The following KNTC1 variants were observed in gnomAD, a reference collection of about 807,000 sequenced individuals.
KNTC1 encodes kinetochore-associated protein 1.
In KNTC1, 253 loss-of-function variants were observed where a neutral mutation model predicts 314.4. That is an observed-to-expected ratio of 0.80 (90% CI 0.73 to 0.89). The LOEUF (loss-of-function observed/expected upper bound fraction) is 0.89, where lower values mean the gene tolerates loss of function less well. Ranked by LOEUF, KNTC1 falls within the 40% of genes least tolerant of loss-of-function variation. The pLI, the probability that KNTC1 is intolerant of heterozygous loss-of-function variation, is 0.00. For synonymous variants in KNTC1, 901 were observed against 901.4 expected, an observed-to-expected ratio of 1.00 and a Z score of 0.01; for missense variants, 2,475 against 2,572.9, an observed-to-expected ratio of 0.96 and a Z score of 0.82.
intron 18 of KNTC1, among the ~76,000 whole-genome samples, chr12:122,561,603 G>A (rs180900930): frequency 9.2e-4 from 139 of 151,870 alleles, no homozygotes; most frequent in African/African-American, 2.9e-3. Context: ...ACAGGTGTGC[G>A]CAACAGTGCC....
chr12:122,573,027 T>C lies in KNTC1; in HGVS notation c.2110T>C (p.Cys704Arg). 6.2e-7 allele frequency: 1 copy of C among 1,611,896 alleles called. No individual in the cohort carries two copies. The highest frequency in any genetic ancestry group is 8.5e-7 in the Non-Finnish European group (1 of 1,178,802). The change falls in exon 25 of 64, where the codon TGC (cysteine) becomes CGC (arginine). Residue 704 changes from cysteine (C) to arginine (R), a missense_variant. By Grantham distance (180) the Cys-to-Arg change is radical. Coordinates refer to ENST00000333479, the MANE Select transcript of KNTC1 (RefSeq NM_014708.6). The part of the protein sequence containing the change: ...ELITLHRKYN[C>R]KLALSDFEKE... ...GATCACGTTGCATAGGAAGTACAACTGCAAATTAGCCCTCTCTGATTTTGA... is the reference window on the plus strand; with the variant it reads ...GATCACGTTGCATAGGAAGTACAACCGCAAATTAGCCCTCTCTGATTTTGA...
intron 1 of KNTC1, 138 bp from the exon 2 acceptor site, chr12:122,529,853 G>T: frequency 2.4e-6 from 1 of 411,718 alleles, no homozygotes. Context: ...TTCCATTTAT[G>T]TTATTGGCCC....
At chr12:122,598,962 G>A (rs1335752175) in intron 44 of KNTC1, among the ~76,000 whole-genome samples, 2 of 151,000 alleles carry the variant, frequency 1.3e-5, no homozygotes, top group African/African-American at 2.4e-5. Flanking sequence ...GGTGCATGCT[G>A]CCATACCCCA....
intron 2 of KNTC1, among the ~76,000 whole-genome samples, chr12:122,531,744 G>A (rs1367186461): frequency 6.6e-6 from 1 of 151,770 alleles, no homozygotes; most frequent in Non-Finnish European, 1.5e-5. Flanking sequence ...ATTTTTGTTC[G>A]TTTGTTTGAG....
intron 8 of KNTC1, 50 bp from the exon 9 acceptor site, chr12:122,546,126 C>T (rs1380898713): frequency 9.5e-7 from 1 of 1,052,950 alleles, no homozygotes; most frequent in Non-Finnish European, 1.5e-6. Flanking sequence ...GAGGAAGGCT[C>T]AGGTCTAAGA....
chr12:122,594,148 G>C, intron 42 of KNTC1, 128 bp from the exon 43 acceptor site: 1 of 614,114 alleles, frequency 1.6e-6, no homozygotes, highest in Non-Finnish European at 2.9e-6. Flanking sequence ...TGTGAGGTTG[G>C]AGGAGCTATA....
At chr12:122,605,500 T>C in intron 51 of KNTC1, 85 bp downstream of exon 51, 2 of 666,000 alleles carry the variant, frequency 3.0e-6, no homozygotes, top group Non-Finnish European at 5.3e-6. Flanking sequence ...TCCCACATGA[T>C]ACAGCCTTCT....
rs1422740845 is a variant in KNTC1 at position 122,587,791 on chromosome 12, G to A, written c.3811G>A (p.Ala1271Thr). The A allele has an allele frequency of 6.2e-7, 1 of 1,613,760 alleles. No individual in the cohort carries two copies. Among genetic ancestry groups the A allele is most frequent in the South Asian group, 1.1e-5 (1 of 91,058 alleles). Residue 1271 changes from alanine (A) to threonine (T), a missense_variant, in exon 39 of 64, where the codon GCC (alanine) becomes ACC (threonine). Transcript: ENST00000333479. Reference sequence around the variant, plus strand: ...TCAGGAATCTAGCCAGTGGGAGCTAGCCCTAAGATTTGTGGTTGGTTCATT... The same window carrying A: ...TCAGGAATCTAGCCAGTGGGAGCTAACCCTAAGATTTGTGGTTGGTTCATT... Reference protein sequence around the residue: ...NLQESSQWELALRFVVGSFGT... With the variant: ...NLQESSQWELTLRFVVGSFGT...
At chr12:122,570,995 G>T (rs749292598) in intron 23 of KNTC1, 30 bp from the exon 24 acceptor site, 7 of 1,604,786 alleles carry the variant, frequency 4.4e-6, no homozygotes, top group Non-Finnish European at 5.1e-6. Context: ...ATAAAACATT[G>T]TTTTGAACTG....
intron 6 of KNTC1, among the ~76,000 whole-genome samples, chr12:122,542,405 G>A (rs1488411109): frequency 2.6e-5 from 4 of 152,152 alleles, no homozygotes; most frequent in African/African-American, 9.7e-5. Context: ...ACATATGCTA[G>A]CACAATAGTA....
chr12:122,551,249 G>C, intron 13 of KNTC1, 70 bp from the exon 14 acceptor site: 2 of 1,004,008 alleles, frequency 2.0e-6, no homozygotes, highest in Admixed American at 2.1e-5. Context: ...TGAACCAGTA[G>C]TTACTCTAGT....
intron 16 of KNTC1, 75 bp downstream of exon 16, chr12:122,551,771 T>G: frequency 9.7e-7 from 1 of 1,033,110 alleles, no homozygotes; most frequent in Non-Finnish European, 1.5e-6. Context: ...GACAGACATG[T>G]AATATATAAT....
At chr12:122,562,488 T>A (rs1964043365) in intron 19 of KNTC1, 150 bp from the exon 20 acceptor site, 1 of 570,772 alleles carries the variant, frequency 1.8e-6, no homozygotes, top group African/African-American at 1.9e-5. Flanking sequence ...TGTATGTGTG[T>A]GAAATAAAGG....
At chr12:122,611,204 C>A in intron 53 of KNTC1, 1 of 304,496 alleles carries the variant, frequency 3.3e-6, no homozygotes, top group Non-Finnish European at 6.1e-6. Flanking sequence ...AGGAGCCAAA[C>A]AAACTGTCCA....
At chr12:122,585,031 C>T (rs1274792821) in intron 36 of KNTC1, 41 bp downstream of exon 36, 12 of 1,133,092 alleles carry the variant, frequency 1.1e-5, no homozygotes, top group African/African-American at 1.6e-5. Context: ...TCCTGGGCAA[C>T]GCATTATGCA....
rs765991948 is a variant in KNTC1, at chr12:122,568,309, TA to T, written c.1654del (p.Ile552PhefsTer5). ...TAAATAATGAAGATGATCTTAAAGA[TA>T]TTTTTTTACAGCTAAAAGAAGGAAA... The part of the protein sequence containing the change: ...FLNNEDDLKD[I>X]FLQLKEGNLV... On this transcript the variant is annotated frameshift_variant, in exon 21 of 64. Transcript: ENST00000333479. LOFTEE classifies it high-confidence loss of function. 9.4e-6 allele frequency: 15 copies of T among 1,596,132 alleles called. No homozygotes were observed. Among genetic ancestry groups the T allele is most frequent in the East Asian group, 2.2e-5 (1 of 44,774 alleles).
intron 53 of KNTC1, 94 bp downstream of exon 53, chr12:122,610,994 G>T (rs1873058890): frequency 6.9e-6 from 6 of 872,182 alleles, no homozygotes; most frequent in Admixed American, 4.0e-5. Context: ...ATTAACAGAT[G>T]ATTCAGATAA....
intron 48 of KNTC1, among the ~76,000 whole-genome samples, chr12:122,603,533 G>A (rs113527426): frequency 2.2e-4 from 34 of 151,358 alleles, no homozygotes; most frequent in African/African-American, 6.8e-4. Flanking sequence ...TTGCTCTGTC[G>A]CCAGGCTGGA....
intron 57 of KNTC1, chr12:122,617,484 A>G (rs1593690318): frequency 4.7e-6 from 2 of 424,078 alleles, no homozygotes; most frequent in East Asian, 7.7e-5. Context: ...TTGGCCTCCC[A>G]AAGTACTGGG....
Sources: gnomAD v4.1 joint callset for allele counts (sites outside exome capture counted in the v4.1 genomes callset) on GRCh38, gnomAD v4.1.1 for gene constraint, MANE v1.5 for transcripts, NCBI Gene and HGNC (gene_info 2026-07-23, HGNC 2026-07-21) for gene names.